Variants in HRH1 observed in about 807,000 individuals in gnomAD.
HRH1 encodes the protein histamine H1 receptor.
In HRH1, 6 loss-of-function variants were observed where a neutral mutation model predicts 10.3. The observed-to-expected ratio is 0.58, with a 90% CI of 0.32 to 1.15. The LOEUF (loss-of-function observed/expected upper bound fraction) is 1.15, where lower values mean the gene tolerates loss of function less well. HRH1 is among the 50% of genes most tolerant of loss of function. The pLI is 0.05. For synonymous variants in HRH1, 242 were observed against 236.7 expected, an observed-to-expected ratio of 1.02 and a Z score of -0.21; for missense variants, 514 against 615.3, an observed-to-expected ratio of 0.84 and a Z score of 1.74.
At chr3:11,156,308 T>C (rs1313138959) in intron 1 of HRH1, among the ~76,000 whole-genome samples, 1 of 152,090 alleles carries the variant, frequency 6.6e-6, no homozygotes, top group Non-Finnish European at 1.5e-5. Context: ...CAGGGCTGGG[T>C]GGAGGCCGGA....
At chr3:11,169,898 G>A (rs981976628) in intron 1 of HRH1, among the ~76,000 whole-genome samples, 15 of 152,028 alleles carry the variant, frequency 9.9e-5, no homozygotes, top group Non-Finnish European at 4.4e-5. Context: ...CTCATCCTTA[G>A]AAAAGGGTCC....
At position 11,247,978 on chromosome 3, in the gene HRH1, C is replaced by G. The variant is rs572658371; in HGVS notation, c.-35-11025C>G. On this transcript the variant is annotated intron_variant, in intron 1 of 1. Coordinates refer to ENST00000431010, the MANE Select transcript of HRH1 (RefSeq NM_001098212.2). ...CATAATTCCTTTCCATTTCCCGAAC[C>G]ATTTCTCCATGAGGGTTGTAAAGGG... Among the ~76,000 whole-genome samples, 4 of 152,228 alleles carry G rather than the reference C, an allele frequency of 2.6e-5. No individual in the cohort carries two copies. In the South Asian group the frequency reaches 8.3e-4, roughly 32 times the overall value.
At position 11,143,214 on chromosome 3, in the gene HRH1, T is replaced by C. The variant is rs182134369; in HGVS notation, c.-36+5815T>C. Among the ~76,000 whole-genome samples the C allele has an allele frequency of 2.6e-5, 4 of 152,124 alleles. No individual in the cohort carries two copies. In the East Asian group the frequency reaches 7.7e-4, roughly 29 times the overall value. On this transcript the variant is annotated intron_variant, in intron 1 of 1. Transcript: ENST00000438284. Reference sequence around the variant, plus strand: ...GCTTCTAAGTTGCTTCTAAGTGGGGTGAGAAGCCTCTGGAGGGTTTTTAGT... The same window carrying C: ...GCTTCTAAGTTGCTTCTAAGTGGGGCGAGAAGCCTCTGGAGGGTTTTTAGT...
At chr3:11,212,887 AC>A (rs1938373554) in intron 1 of HRH1, among the ~76,000 whole-genome samples, 2 of 152,236 alleles carry the variant, frequency 1.3e-5, no homozygotes, top group South Asian at 2.1e-4. Context: ...AGCTCCAGCC[AC>A]ACTAAACTCC....
At chr3:11,255,821 G>A (rs1235473253) in intron 1 of HRH1, among the ~76,000 whole-genome samples, 1 of 152,228 alleles carries the variant, frequency 6.6e-6, no homozygotes, top group Non-Finnish European at 1.5e-5. Context: ...AGTGAGCAGA[G>A]GTCTGACTTC....
At chr3:11,225,205 G>A (rs991532767) in intron 1 of HRH1, among the ~76,000 whole-genome samples, 1 of 152,246 alleles carries the variant, frequency 6.6e-6, no homozygotes, top group Non-Finnish European at 1.5e-5. Context: ...CTACAAACAA[G>A]ACCATGTTAT....
intron 1 of HRH1, among the ~76,000 whole-genome samples, chr3:11,205,745 T>C (rs528098601): frequency 1.3e-5 from 2 of 151,330 alleles, no homozygotes; most frequent in East Asian, 3.9e-4. Flanking sequence ...CACTGTAACC[T>C]CCGCCTCCCA....
intron 1 of HRH1, among the ~76,000 whole-genome samples, chr3:11,162,935 G>A (rs1046601109): frequency 2.0e-5 from 3 of 152,122 alleles, no homozygotes; most frequent in Non-Finnish European, 4.4e-5. Flanking sequence ...AATTCCACAG[G>A]CACCACCACA....
chr3:11,195,775 G>A (rs1452151454), intron 1 of HRH1, among the ~76,000 whole-genome samples: 1 of 152,162 alleles, frequency 6.6e-6, no homozygotes, highest in Admixed American at 6.5e-5. Context: ...CTTCAGGAAG[G>A]GCTGGAACCA....
intron 1 of HRH1, among the ~76,000 whole-genome samples, chr3:11,202,202 A>G (rs1477869670): frequency 6.6e-6 from 1 of 152,114 alleles, no homozygotes; most frequent in Non-Finnish European, 1.5e-5. Flanking sequence ...TCAGGAGTTC[A>G]TGACCAGCCT....
chr3:11,231,774 CT>C (rs1939047070), intron 1 of HRH1, among the ~76,000 whole-genome samples: 1 of 151,984 alleles, frequency 6.6e-6, no homozygotes, highest in South Asian at 2.1e-4. Flanking sequence ...ATATTTTCTC[CT>C]TGTCTTTTTA....
At chr3:11,228,669 T>A (rs1938959273) in intron 1 of HRH1, among the ~76,000 whole-genome samples, 1 of 151,964 alleles carries the variant, frequency 6.6e-6, no homozygotes, top group South Asian at 2.1e-4. Flanking sequence ...GTAATTCCAA[T>A]ACTTTGGGAG....
At chr3:11,233,546 G>C (rs1370335093) in intron 1 of HRH1, among the ~76,000 whole-genome samples, 2 of 152,148 alleles carry the variant, frequency 1.3e-5, no homozygotes, top group African/African-American at 4.8e-5. Flanking sequence ...CACCTGACCA[G>C]ACTGAGAGCC....
At chr3:11,188,439 T>C (rs918737657) in intron 1 of HRH1, among the ~76,000 whole-genome samples, 4 of 152,082 alleles carry the variant, frequency 2.6e-5, no homozygotes, top group African/African-American at 9.7e-5. Flanking sequence ...CCAGGCATGG[T>C]GGCACCTTAG....
chr3:11,237,768 C>T (rs1252872408), intron 1 of HRH1, among the ~76,000 whole-genome samples: 2 of 148,616 alleles, frequency 1.3e-5, no homozygotes, highest in East Asian at 3.9e-4. Flanking sequence ...CTCTACCTCC[C>T]AGGTTCAAGC....
intron 1 of HRH1, among the ~76,000 whole-genome samples, chr3:11,209,678 C>A (rs1938258940): frequency 6.6e-6 from 1 of 152,222 alleles, no homozygotes; most frequent in South Asian, 2.1e-4. Context: ...GCCACCATGG[C>A]CAGGCTCTGG....
intron 1 of HRH1, among the ~76,000 whole-genome samples, chr3:11,224,345 AG>A (rs896179643): frequency 2.6e-5 from 4 of 152,186 alleles, no homozygotes; most frequent in African/African-American, 9.6e-5. Context: ...ACATCTAGCT[AG>A]GGGAGGAAGC....
intron 1 of HRH1, among the ~76,000 whole-genome samples, chr3:11,206,564 G>C (rs1000818950): frequency 3.3e-5 from 5 of 152,236 alleles, no homozygotes; most frequent in African/African-American, 1.2e-4. Flanking sequence ...TTATAGCTAA[G>C]ATTTGTGGAC....
chr3:11,183,803 A>C (rs559153490), intron 1 of HRH1, among the ~76,000 whole-genome samples: 1 of 140,002 alleles, frequency 7.1e-6, no homozygotes, highest in Non-Finnish European at 1.5e-5. Context: ...CTGCAAGCTT[A>C]GGCTGGAAAT....
Sources: gnomAD v4.1 joint callset for allele counts (sites outside exome capture counted in the v4.1 genomes callset) on GRCh38, gnomAD v4.1.1 for gene constraint, MANE v1.5 for transcripts, NCBI Gene and HGNC (gene_info 2026-07-23, HGNC 2026-07-21) for gene names.